The following ATXN1 variants were observed in gnomAD, a reference collection of about 807,000 sequenced individuals.
ATXN1 encodes the protein ataxin-1.
Under a neutral mutation model 56.4 loss-of-function variants are expected in ATXN1, and 8 were observed. The observed-to-expected ratio is 0.14, with a 90% CI of 0.08 to 0.26. The LOEUF (loss-of-function observed/expected upper bound fraction) is 0.26. ATXN1 is among the 10% of genes least tolerant of loss of function. The pLI is 1.00. For synonymous variants in ATXN1, 514 were observed against 494.6 expected, an observed-to-expected ratio of 1.04 and a Z score of -0.52; for missense variants, 987 against 1,106.5, an observed-to-expected ratio of 0.89 and a Z score of 1.53.
chr6:16,660,832 G>GTTTTTT lies in ATXN1; in HGVS notation c.-614-2937_-614-2932dup, dbSNP rs754718969. On this transcript the variant is annotated intron_variant, in intron 2 of 7. Transcript: ENST00000436367. ...GAAAAAAGAGGTTTATTTTGTTTTG[G>GTTTTTT]TTTTTTTTTTTTTTTTTTTTTTTTG... 7.6e-4 allele frequency among the ~76,000 whole-genome samples: 71 copies of GTTTTTT among 93,008 alleles called. 1 individual carries two copies. The highest frequency in any genetic ancestry group is 1.0e-3 in the African/African-American group (24 of 23,720). 61.0% of individuals were successfully genotyped at this position (93,008 alleles called of 152,430 possible).
chr6:16,436,173 C>T (rs1435270436), intron 6 of ATXN1, among the ~76,000 whole-genome samples: 1 of 152,180 alleles, frequency 6.6e-6, no homozygotes, highest in Non-Finnish European at 1.5e-5. Flanking sequence ...GCTGGGATTA[C>T]AGGCGTGAGC....
At position 16,431,745 on chromosome 6, in the gene ATXN1, G is replaced by A. The variant is rs547874880; in HGVS notation, c.-161+54227C>T. ...GTTGAGTTCAAATCCAGATCTCCAC[G>A]ATATCAAAATCCTTCTTCGCCACTA... is the stretch of plus-strand genomic sequence containing the variant. On this transcript the variant is annotated intron_variant, in intron 6 of 7. Coordinates refer to ENST00000436367, the MANE Select transcript of ATXN1 (RefSeq NM_001128164.2). Among the ~76,000 whole-genome samples, 13 of 152,258 alleles carry A rather than the reference G, an allele frequency of 8.5e-5. No individual in the cohort carries two copies. The East Asian group carries it at 9.7e-4, about 11-fold the overall frequency.
At chr6:16,599,575 G>A (rs558121023) in intron 3 of ATXN1, among the ~76,000 whole-genome samples, 6 of 152,042 alleles carry the variant, frequency 3.9e-5, no homozygotes, top group Admixed American at 2.0e-4. Context: ...GCTGGGTATG[G>A]TGGCACGTGC....
intron 4 of ATXN1, among the ~76,000 whole-genome samples, chr6:16,531,531 G>A (rs956843500): frequency 6.6e-6 from 1 of 151,784 alleles, no homozygotes; most frequent in Non-Finnish European, 1.5e-5. Context: ...GCTGAGGCAG[G>A]AGAATTGCTT....
chr6:16,735,626 A>C (rs1760102360), intron 2 of ATXN1, among the ~76,000 whole-genome samples: 1 of 152,228 alleles, frequency 6.6e-6, no homozygotes, highest in South Asian at 2.1e-4. Flanking sequence ...AAAATCCAGC[A>C]GTAATTTAAA....
intron 6 of ATXN1, among the ~76,000 whole-genome samples, chr6:16,352,788 A>G (rs1761597178): frequency 6.6e-6 from 1 of 152,188 alleles, no homozygotes; most frequent in Non-Finnish European, 1.5e-5. Flanking sequence ...CTATATATAC[A>G]TACCTACGAT....
chr6:16,405,265 C>T lies in ATXN1; in HGVS notation c.-160-76795G>A, dbSNP rs556279897. ...CACAGTCTCTACCATTAAGGAGCAG[C>T]GCATCTATATCACACCAATAAAAGC... On this transcript the variant is annotated intron_variant, in intron 6 of 7. Transcript: ENST00000436367. Among the ~76,000 whole-genome samples, 94 of 152,326 alleles carry T rather than the reference C, an allele frequency of 6.2e-4. 1 individual carries two copies. The highest frequency in any genetic ancestry group is 4.8e-3 in the South Asian group (23 of 4,830).
intron 4 of ATXN1, among the ~76,000 whole-genome samples, chr6:16,543,831 C>T (rs928581078): frequency 1.3e-5 from 2 of 152,100 alleles, no homozygotes; most frequent in Non-Finnish European, 2.9e-5. Flanking sequence ...ACTAAAGATG[C>T]TATTTGTTGG....
intron 2 of ATXN1, among the ~76,000 whole-genome samples, chr6:16,751,379 A>G (rs1213421927): frequency 6.6e-6 from 1 of 152,230 alleles, no homozygotes; most frequent in East Asian, 1.9e-4. Context: ...TCCACAGCCA[A>G]TAAAATGTAA....
At chr6:16,649,682 ATAG>A (rs1422793244) in intron 3 of ATXN1, among the ~76,000 whole-genome samples, 21 of 152,240 alleles carry the variant, frequency 1.4e-4, no homozygotes, top group African/African-American at 4.6e-4. Flanking sequence ...TTTTTATGAA[ATAG>A]TAATTAGTAC....
intron 2 of ATXN1, among the ~76,000 whole-genome samples, chr6:16,715,284 C>A (rs894605870): frequency 6.6e-6 from 1 of 152,146 alleles, no homozygotes; most frequent in Admixed American, 6.5e-5. Context: ...TCTTAAGAGA[C>A]AGAGGCTATT....
chr6:16,325,984 G>C (rs564917129), intron 7 of ATXN1, among the ~76,000 whole-genome samples: 1 of 152,312 alleles, frequency 6.6e-6, no homozygotes, highest in Admixed American at 6.5e-5. Context: ...GATTGCTTTA[G>C]CATCTAATCC....
intron 6 of ATXN1, among the ~76,000 whole-genome samples, chr6:16,330,949 T>G (rs1017089010): frequency 5.9e-5 from 9 of 152,054 alleles, no homozygotes; most frequent in African/African-American, 1.9e-4. Flanking sequence ...AAAACACTTA[T>G]GCTGAAGAAA....
chr6:16,686,784 A>G (rs1202211639), intron 2 of ATXN1, among the ~76,000 whole-genome samples: 1 of 152,236 alleles, frequency 6.6e-6, no homozygotes, highest in Non-Finnish European at 1.5e-5. Context: ...AGATATAAGG[A>G]AAGTCCATCA....
chr6:16,761,320 G>A lies in ATXN1; in HGVS notation c.-752C>T, dbSNP rs937145473. ...TACTGTAAAGTGTAAATGGATCTGG[G>A]GTTGCGTGGGGAAGGGGGGGCAGAG... On this transcript the variant is annotated 5_prime_UTR_variant, in exon 1 of 8. Coordinates refer to ENST00000436367, the MANE Select transcript of ATXN1 (RefSeq NM_001128164.2). 2.9e-5 allele frequency: 13 copies of A among 455,946 alleles called. No individual in the cohort carries two copies. The highest frequency in any genetic ancestry group is 9.3e-5 in the South Asian group (6 of 64,524). The allele number at this position is 455,946 out of a possible 1,614,324, so 28.2% of individuals were successfully genotyped here.
intron 2 of ATXN1, among the ~76,000 whole-genome samples, chr6:16,707,683 T>C (rs1300779215): frequency 1.3e-5 from 2 of 152,136 alleles, no homozygotes; most frequent in Non-Finnish European, 2.9e-5. Context: ...TAAGTCTCAG[T>C]AGAGGGAACA....
intron 4 of ATXN1, among the ~76,000 whole-genome samples, chr6:16,580,894 A>C (rs1322520885): frequency 6.6e-6 from 1 of 152,178 alleles, no homozygotes; most frequent in Non-Finnish European, 1.5e-5. Context: ...AGATTGAAGG[A>C]AGGGTGGGAG....
At chr6:16,556,568 G>A (rs568032950) in intron 4 of ATXN1, among the ~76,000 whole-genome samples, 85 of 152,138 alleles carry the variant, frequency 5.6e-4, no homozygotes, top group African/African-American at 1.5e-3. Flanking sequence ...AAATAATTCC[G>A]TCAGATTCAG....
chr6:16,601,126 A>G (rs1762903837), intron 3 of ATXN1, among the ~76,000 whole-genome samples: 1 of 152,234 alleles, frequency 6.6e-6, no homozygotes. Context: ...CCTAGCTGGT[A>G]AAAGGTGTTT....
Sources: gnomAD v4.1 joint callset for allele counts (sites outside exome capture counted in the v4.1 genomes callset) on GRCh38, gnomAD v4.1.1 for gene constraint, MANE v1.5 for transcripts, NCBI Gene and HGNC (gene_info 2026-07-23, HGNC 2026-07-21) for gene names.